Variants in CHMP3 observed in about 807,000 individuals in gnomAD.
CHMP3 encodes the protein charged multivesicular body protein 3, also known as 25.1 protein.
Under a neutral mutation model 27.4 loss-of-function variants are expected in CHMP3, and 8 were observed. The ratio of observed to expected loss-of-function variants is 0.29; its 90% CI spans 0.17 to 0.53. The LOEUF (loss-of-function observed/expected upper bound fraction) is 0.53, where lower values mean the gene tolerates loss of function less well. Ranked by LOEUF, CHMP3 falls within the 20% of genes least tolerant of loss-of-function variation. The probability of loss-of-function intolerance (pLI) is 0.96; values close to 1 mark genes in which losing one functional copy is unlikely to be tolerated. For synonymous variants in CHMP3, 86 were observed against 85.5 expected (o/e 1.01, Z -0.03); for missense variants, 208 against 271.5 (o/e 0.77, Z 1.64).
chr2:86,524,669 C>T (rs1013346826), intron 3 of CHMP3, among the ~76,000 whole-genome samples: 1 of 152,114 alleles, frequency 6.6e-6, no homozygotes, highest in Non-Finnish European at 1.5e-5. Context: ...GATCCTGGAA[C>T]CAATCCCCTG....
intron 1 of CHMP3, among the ~76,000 whole-genome samples, chr2:86,555,575 A>C (rs1178516772): frequency 6.6e-6 from 1 of 152,200 alleles, no homozygotes; most frequent in African/African-American, 2.4e-5. Context: ...AGTATCACTA[A>C]GCCAAAATCA....
At chr2:86,520,493 T>C (rs890924336) in intron 3 of CHMP3, among the ~76,000 whole-genome samples, 1 of 152,194 alleles carries the variant, frequency 6.6e-6, no homozygotes, top group Non-Finnish European at 1.5e-5. Context: ...ACCACCCCCA[T>C]GATCCAATCA....
rs1158237640 is a variant in CHMP3 at position 86,544,340 on chromosome 2, C to CTT, written c.46-2030_46-2029dup. ...ATCTCACTGTTTTGATTTACATTTTCTTTTTTTTTTTTTTTTAGTACTTAT... is the reference window on the plus strand; with the variant it reads ...ATCTCACTGTTTTGATTTACATTTTCTTTTTTTTTTTTTTTTTTAGTACTTAT... On this transcript the variant is annotated intron_variant, in intron 1 of 5. Transcript: ENST00000263856. Among the ~76,000 whole-genome samples, 15 of 129,066 alleles carry CTT rather than the reference C, an allele frequency of 1.2e-4. No individual in the cohort carries two copies. The South Asian group carries it at 1.5e-3, about 13-fold the overall frequency. The allele number at this position is 129,066 out of a possible 152,430, so 84.7% of individuals were successfully genotyped here.
chr2:86,523,053 A>C (rs1045478914), intron 3 of CHMP3, among the ~76,000 whole-genome samples: 30 of 152,214 alleles, frequency 2.0e-4, no homozygotes, highest in Admixed American at 6.5e-5. Flanking sequence ...GCATTGCTAC[A>C]GCACGTCTTA....
At chr2:86,530,912 C>G (rs970090907) in intron 2 of CHMP3, among the ~76,000 whole-genome samples, 1 of 152,140 alleles carries the variant, frequency 6.6e-6, no homozygotes, top group African/African-American at 2.4e-5. Flanking sequence ...TTGCATTTCC[C>G]TAATAATTAG....
intron 3 of CHMP3, among the ~76,000 whole-genome samples, chr2:86,526,262 T>C (rs1251569310): frequency 3.9e-5 from 6 of 152,178 alleles, no homozygotes; most frequent in Non-Finnish European, 8.8e-5. Context: ...AAAGGTATTT[T>C]GGAATCAGGA....
rs1295086499 is a variant in CHMP3 at position 86,504,516 on chromosome 2, TTTTTTTTTTTTG to T, written c.*1276_*1287del. The T allele has an allele frequency of 6.9e-6, 1 of 145,056 alleles. No individual in the cohort carries two copies. The highest frequency in any genetic ancestry group is 1.5e-5 in the Non-Finnish European group (1 of 66,168). 9.0% of individuals were successfully genotyped at this position (145,056 alleles called of 1,614,324 possible). A position where few individuals can be genotyped will look rare whatever the true frequency, so the allele number is the denominator to read the frequency against. The stretch of plus-strand genomic sequence containing the variant: ...AAAAATGAAATTTTTTTTTTTTTTT[TTTTTTTTTTTTG>T]GAGAGACAGGATCTTGCTATGTTGC... On this transcript the variant is annotated 3_prime_UTR_variant, in exon 6 of 6. Transcript: ENST00000263856.
chr2:86,513,901 T>C (rs990264090), intron 3 of CHMP3, among the ~76,000 whole-genome samples: 27 of 152,210 alleles, frequency 1.8e-4, no homozygotes, highest in Admixed American at 1.4e-3. Flanking sequence ...CTAGAGATAA[T>C]TGGGTTTGAA....
At chr2:86,558,936 T>TATCAGTGC (rs1677240227) in intron 1 of CHMP3, among the ~76,000 whole-genome samples, 1 of 152,142 alleles carries the variant, frequency 6.6e-6, no homozygotes, top group Non-Finnish European at 1.5e-5. Context: ...CTCAATACTT[T>TATCAGTGC]ATCAGTGCAT....
chr2:86,529,254 T>C lies in CHMP3; in HGVS notation c.250A>G (p.Met84Val). ...VSKLYASKAH[M>V]NSVLMGMKNQ... is the part of the protein sequence containing the mutation. The stretch of plus-strand genomic sequence containing the variant: ...TTCATCCCCATGAGCACTGAGTTCA[T>C]GTGTGCTTTGGATGCATACAGCTTG... Residue 84 changes from methionine (M) to valine (V), a missense_variant, in exon 3 of 6, where the codon ATG (methionine) becomes GTG (valine). By Grantham distance (21) the Met-to-Val change is conservative. Transcript: ENST00000263856. The C allele has an allele frequency of 1.9e-6, 3 of 1,612,332 alleles. No homozygotes were observed. Among genetic ancestry groups the C allele is most frequent in the Non-Finnish European group, 2.5e-6 (3 of 1,179,318 alleles).
At position 86,510,471 on chromosome 2, in the gene CHMP3, G is replaced by A. The variant is rs770016809; in HGVS notation, c.295C>T (p.Arg99Ter). Residue 99 changes from arginine to a stop codon, truncating the protein, a stop_gained, in exon 4 of 6, where the codon CGA (arginine) becomes TGA (stop). Transcript: ENST00000263856. LOFTEE classifies it high-confidence loss of function. ...MGMKNQLAVL[R>*]VAGSLQKSTE... is the part of the protein sequence containing the mutation. ...CTCTTCTGCAGGGAACCAGCCACTC[G>A]CAAGACCGCTGAAAGAGAATGTGTA... 3.1e-6 allele frequency: 5 copies of A among 1,612,432 alleles called. No individual in the cohort carries two copies. In the Admixed American group the frequency reaches 5.0e-5, roughly 16 times the overall value.
At chr2:86,542,217 G>A in intron 2 of CHMP3, 35 bp downstream of exon 2, 1 of 1,604,902 alleles carries the variant, frequency 6.2e-7, no homozygotes, top group South Asian at 1.1e-5. Context: ...TATACCAAGA[G>A]GGTGAAAAAT....
intron 2 of CHMP3, among the ~76,000 whole-genome samples, chr2:86,535,116 T>C (rs1676074911): frequency 6.6e-6 from 1 of 151,972 alleles, no homozygotes; most frequent in Non-Finnish European, 1.5e-5. Context: ...AATTAGCTGG[T>C]GCAGTGGCAT....
intron 1 of CHMP3, among the ~76,000 whole-genome samples, chr2:86,543,778 A>C (rs1445832591): frequency 6.6e-6 from 1 of 152,240 alleles, no homozygotes; most frequent in Non-Finnish European, 1.5e-5. Context: ...TCCACTCAGA[A>C]AAAATACTTA....
intron 1 of CHMP3, among the ~76,000 whole-genome samples, chr2:86,553,512 A>C (rs1372023777): frequency 6.6e-6 from 1 of 152,108 alleles, no homozygotes; most frequent in African/African-American, 2.4e-5. Context: ...TTGTATTTTT[A>C]GTAGAGATGG....
chr2:86,535,146 C>G (rs561212423), intron 2 of CHMP3, among the ~76,000 whole-genome samples: 5 of 151,374 alleles, frequency 3.3e-5, no homozygotes, highest in African/African-American at 9.7e-5. Context: ...GTCCCAGGTA[C>G]TTGGCAGGCT....
chr2:86,556,755 C>T (rs1446539589), intron 1 of CHMP3, among the ~76,000 whole-genome samples: 8 of 152,266 alleles, frequency 5.3e-5, no homozygotes, highest in Admixed American at 1.3e-4. Context: ...CTCGCAGCGC[C>T]GGCTTGTCAG....
At chr2:86,535,565 A>G (rs1676093274) in intron 2 of CHMP3, among the ~76,000 whole-genome samples, 1 of 152,034 alleles carries the variant, frequency 6.6e-6, no homozygotes, top group Non-Finnish European at 1.5e-5. Flanking sequence ...GTGCAGTGGC[A>G]TCATGATCTC....
At chr2:86,546,400 GCTTGATTTA>G (rs1326402218) in intron 1 of CHMP3, among the ~76,000 whole-genome samples, 1 of 151,418 alleles carries the variant, frequency 6.6e-6, no homozygotes, top group East Asian at 2.0e-4. Context: ...GAGTAGGAGA[GCTTGATTTA>G]CATTTTCTTA....
Sources: allele counts gnomAD v4.1 joint callset (sites outside exome capture counted in the v4.1 genomes callset), GRCh38; gene constraint gnomAD v4.1.1; transcripts MANE v1.5; gene names NCBI Gene and HGNC (gene_info 2026-07-23, HGNC 2026-07-21).